TRAPPC3L: variants seen among roughly 807,000 people sequenced by gnomAD.
TRAPPC3L encodes trafficking protein particle complex subunit 3-like protein.
Under a neutral mutation model 23.7 loss-of-function variants are expected in TRAPPC3L, and 23 were observed. The ratio of observed to expected loss-of-function variants is 0.97; its 90% CI spans 0.70 to 1.37. The LOEUF (loss-of-function observed/expected upper bound fraction) is 1.37, where lower values mean the gene tolerates loss of function less well. Among genes scored for constraint, TRAPPC3L ranks in the 40% most tolerant of loss-of-function variants. The probability of loss-of-function intolerance (pLI) is 0.00; values close to 1 mark genes in which losing one functional copy is unlikely to be tolerated. For synonymous variants in TRAPPC3L, 81 were observed against 77.9 expected, an observed-to-expected ratio of 1.04 and a Z score of -0.21; for missense variants, 212 against 216.8, an observed-to-expected ratio of 0.98 and a Z score of 0.14.
At chr6:116,529,953 T>C (rs1481078605) in intron 3 of TRAPPC3L, among the ~76,000 whole-genome samples, 3 of 152,146 alleles carry the variant, frequency 2.0e-5, no homozygotes, top group Admixed American at 6.5e-5. Context: ...ATATTCATCC[T>C]AGTAAAAGAA....
At chr6:116,511,183 G>GATATATATATATATATATATATAT (rs59420398) in intron 3 of TRAPPC3L, among the ~76,000 whole-genome samples, 7 of 141,494 alleles carry the variant, frequency 4.9e-5, no homozygotes, top group East Asian at 2.1e-4. Context: ...AAAAGCTATT[G>GATATATATATATATATATATATAT]ATATATATAT....
At chr6:116,524,402 C>T (rs1772406486) in intron 3 of TRAPPC3L, 1 of 152,192 alleles carries the variant, frequency 6.6e-6, no homozygotes, top group Non-Finnish European at 1.5e-5. Context: ...CTTCTAGTAT[C>T]ATTCTCAGCA....
At chr6:116,543,632 A>G (rs1026966187) in intron 1 of TRAPPC3L, 1 of 659,114 alleles carries the variant, frequency 1.5e-6, no homozygotes. Context: ...ATTTCGTAAC[A>G]TGATAACATC....
chr6:116,496,891 T>A lies in TRAPPC3L; in HGVS notation c.*63A>T. Reference sequence around the variant, plus strand: ...TATGAAGCAATTCAAAATTTCTATGTCTATACATGTTTAGCTAACATTAAC... The same window carrying A: ...TATGAAGCAATTCAAAATTTCTATGACTATACATGTTTAGCTAACATTAAC... On this transcript the variant is annotated 3_prime_UTR_variant, in exon 5 of 5. Transcript: ENST00000368602. 6.7e-7 allele frequency: 1 copy of A among 1,488,996 alleles called. No homozygotes were observed. The highest frequency in any genetic ancestry group is 2.9e-5 in the Admixed American group (1 of 34,286). The allele number at this position is 1,488,996 out of a possible 1,614,324, so 92.2% of individuals were successfully genotyped here.
chr6:116,527,758 C>A (rs1463051988), intron 3 of TRAPPC3L, among the ~76,000 whole-genome samples: 1 of 152,142 alleles, frequency 6.6e-6, no homozygotes. Flanking sequence ...AAAGGCAGAG[C>A]AGCCTAGATA....
chr6:116,501,964 TCTC>T (rs1562336039), intron 3 of TRAPPC3L, among the ~76,000 whole-genome samples: 1 of 152,022 alleles, frequency 6.6e-6, no homozygotes, highest in East Asian at 1.9e-4. Context: ...GAACACCTCT[TCTC>T]CTCCAAAAGA....
chr6:116,516,747 A>G (rs1772237263), intron 3 of TRAPPC3L: 1 of 148,938 alleles, frequency 6.7e-6, no homozygotes, highest in Non-Finnish European at 1.5e-5. Context: ...CTGCATTGAT[A>G]AAAGGTGAAT....
intron 3 of TRAPPC3L, among the ~76,000 whole-genome samples, chr6:116,539,843 C>T (rs1393130497): frequency 5.3e-5 from 8 of 152,162 alleles, no homozygotes; most frequent in Admixed American, 6.6e-5. Context: ...GGTTTAATTT[C>T]TAATAAAAGT....
chr6:116,504,193 G>A (rs1047211083), intron 3 of TRAPPC3L, among the ~76,000 whole-genome samples: 1 of 151,952 alleles, frequency 6.6e-6, no homozygotes, highest in Non-Finnish European at 1.5e-5. Context: ...AATGATAAAG[G>A]GGGATATCAC....
At chr6:116,536,920 G>A (rs1773131237) in intron 3 of TRAPPC3L, among the ~76,000 whole-genome samples, 1 of 151,504 alleles carries the variant, frequency 6.6e-6, no homozygotes, top group Admixed American at 6.6e-5. Context: ...AGATAATGCT[G>A]CCACAGGCCC....
intron 3 of TRAPPC3L, among the ~76,000 whole-genome samples, chr6:116,507,252 C>T (rs1020245477): frequency 6.6e-6 from 1 of 151,990 alleles, no homozygotes; most frequent in African/African-American, 2.4e-5. Context: ...CTAGAAGGGA[C>T]CCAGGACACA....
At position 116,527,519 on chromosome 6, in the gene TRAPPC3L, C is replaced by CAAA. The variant is rs34686241; in HGVS notation, c.240+12841_240+12843dup. ...GACAGAGCGAGACTCCGTCTCAAAACAAAAAAAAAAAAAAAAAAAAGATTC... is the reference window on the plus strand; with the variant it reads ...GACAGAGCGAGACTCCGTCTCAAAACAAAAAAAAAAAAAAAAAAAAAAAGATTC... On this transcript the variant is annotated intron_variant, in intron 3 of 4. Transcript: ENST00000368602. Among the ~76,000 whole-genome samples the CAAA allele has an allele frequency of 2.5e-3, 277 of 112,344 alleles. 5 individuals are homozygous for CAAA. Among genetic ancestry groups the CAAA allele is most frequent in the South Asian group, 0.017 (55 of 3,306 alleles). The allele number at this position is 112,344 out of a possible 152,430, so 73.7% of individuals were successfully genotyped here. A position where few individuals can be genotyped will look rare whatever the true frequency, so the allele number is the denominator to read the frequency against.
intron 3 of TRAPPC3L, chr6:116,511,973 A>G: frequency 1.2e-6 from 2 of 1,614,038 alleles, no homozygotes; most frequent in Non-Finnish European, 1.7e-6. Context: ...CAGAGGCCAC[A>G]GCTGCCGTTT....
chr6:116,502,757 T>C (rs1032608992), intron 3 of TRAPPC3L, among the ~76,000 whole-genome samples: 10 of 152,224 alleles, frequency 6.6e-5, no homozygotes, highest in African/African-American at 2.4e-4. Context: ...AACACAGAAT[T>C]GCATATCCAG....
At chr6:116,510,186 T>C (rs1772085747) in intron 3 of TRAPPC3L, among the ~76,000 whole-genome samples, 1 of 152,160 alleles carries the variant, frequency 6.6e-6, no homozygotes, top group Non-Finnish European at 1.5e-5. Flanking sequence ...TAGATATTGG[T>C]ATGAATTTTG....
Position 116,540,486 on chromosome 6 carries a change from G to A in TRAPPC3L, c.141-24C>T, listed in dbSNP as rs1048503008. On this transcript the variant is annotated intron_variant, in intron 2 of 4. Transcript: ENST00000368602. ...CCCTGTGGATGACGGAAAGAGTGTG[G>A]TCTGAAAATTCTAAGAAATTAGTGA... 5 of 1,545,032 alleles carry A rather than the reference G, an allele frequency of 3.2e-6. No individual in the cohort carries two copies. In the African/African-American group the frequency reaches 6.9e-5, roughly 21 times the overall value.
At chr6:116,523,251 A>T (rs1772378002) in intron 3 of TRAPPC3L, 4 of 152,156 alleles carry the variant, frequency 2.6e-5, no homozygotes, top group Admixed American at 2.6e-4. Flanking sequence ...TCATTCAAGG[A>T]TACCTTTCTA....
chr6:116,499,958 G>A (rs914251103), intron 4 of TRAPPC3L, among the ~76,000 whole-genome samples: 15 of 152,196 alleles, frequency 9.9e-5, no homozygotes, highest in Non-Finnish European at 2.2e-4. Context: ...AATAATTCAG[G>A]TGTAAAATCC....
chr6:116,510,462 T>A (rs894271616), intron 3 of TRAPPC3L, among the ~76,000 whole-genome samples: 15 of 151,756 alleles, frequency 9.9e-5, no homozygotes, highest in Admixed American at 6.6e-4. Flanking sequence ...TTTTTTGGTA[T>A]TTTTTTGTAG....
Sources: allele counts gnomAD v4.1 joint callset (sites outside exome capture counted in the v4.1 genomes callset), GRCh38; gene constraint gnomAD v4.1.1; transcripts MANE v1.5; gene names NCBI Gene and HGNC (gene_info 2026-07-23, HGNC 2026-07-21).